SMIM23: variants seen among roughly 807,000 people sequenced by gnomAD.
SMIM23 encodes CTB-78H18.1.
SMIM23 carries 10 observed loss-of-function variants against 12.8 expected under a neutral mutation model. The ratio of observed to expected loss-of-function variants is 0.78; its 90% CI spans 0.48 to 1.32. The LOEUF (loss-of-function observed/expected upper bound fraction) is 1.32, where lower values mean the gene tolerates loss of function less well. Ranked by LOEUF, SMIM23 falls within the 40% of genes most tolerant of loss-of-function variation. The probability of loss-of-function intolerance (pLI) is 0.00; values close to 1 mark genes in which losing one functional copy is unlikely to be tolerated. For missense variants in SMIM23, 184 were observed against 198.2 expected (o/e 0.93, Z 0.43); for synonymous variants, 78 against 80.1 (o/e 0.97, Z 0.14).
chr5:171,780,779 G>A (rs899076781), upstream of SMIM23, among the ~76,000 whole-genome samples: 3 of 152,032 alleles, frequency 2.0e-5, no homozygotes, highest in African/African-American at 7.2e-5. Flanking sequence ...ACTTGAGTTC[G>A]GTACCTTTCC....
chr5:171,777,066 TTTCC>T, the SMIM23 span, among the ~76,000 whole-genome samples: 1 of 146,626 alleles, frequency 6.8e-6, no homozygotes, highest in African/African-American at 2.6e-5. Flanking sequence ...TTTTTTTTTT[TTTCC>T]TTCTTGGCCT....
At chr5:171,783,484 G>T (rs189877988), upstream of SMIM23, among the ~76,000 whole-genome samples, 83 of 152,282 alleles carry the variant, frequency 5.5e-4, no homozygotes, top group African/African-American at 1.9e-3. Context: ...CAGAACAAAT[G>T]GTCCTGGAGC....
chr5:171,784,216 G>A (rs1581072207), upstream of SMIM23, among the ~76,000 whole-genome samples: 1 of 152,282 alleles, frequency 6.6e-6, no homozygotes, highest in African/African-American at 2.4e-5. Flanking sequence ...TTAAAAAATA[G>A]TGAAAACAGC....
chr5:171,789,963 G>T (rs183639837), intron 1 of SMIM23, among the ~76,000 whole-genome samples: 2 of 152,224 alleles, frequency 1.3e-5, no homozygotes, highest in South Asian at 4.1e-4. Flanking sequence ...CAATGAAGTT[G>T]ATTCCTTTTC....
chr5:171,779,666 C>A (rs1397830992), upstream of SMIM23, among the ~76,000 whole-genome samples: 1 of 152,164 alleles, frequency 6.6e-6, no homozygotes, highest in African/African-American at 2.4e-5. Context: ...TCTGGATAGA[C>A]TTTTCATATA....
the SMIM23 span, among the ~76,000 whole-genome samples, chr5:171,775,842 C>T: frequency 2.0e-5 from 3 of 151,858 alleles, no homozygotes; most frequent in Non-Finnish European, 4.4e-5. Flanking sequence ...TTTTCCCTTA[C>T]GACAACCCTA....
chr5:171,789,115 G>A (rs982533778), intron 1 of SMIM23, among the ~76,000 whole-genome samples: 3 of 152,238 alleles, frequency 2.0e-5, no homozygotes, highest in Non-Finnish European at 2.9e-5. Context: ...GATTACAGGC[G>A]TGCGCCACCG....
chr5:171,787,168 C>A (rs1474752389), intron 1 of SMIM23, among the ~76,000 whole-genome samples: 1 of 151,750 alleles, frequency 6.6e-6, no homozygotes, highest in Non-Finnish European at 1.5e-5. Context: ...TACAGGCGCC[C>A]GCCACCACAC....
upstream of SMIM23, among the ~76,000 whole-genome samples, chr5:171,779,700 T>C (rs1755694117): frequency 6.6e-6 from 1 of 152,144 alleles, no homozygotes; most frequent in Admixed American, 6.5e-5. Flanking sequence ...CTTACATTAC[T>C]GGGAGAATTA....
chr5:171,777,364 G>T, the SMIM23 span, among the ~76,000 whole-genome samples: 3 of 152,214 alleles, frequency 2.0e-5, no homozygotes, highest in East Asian at 5.8e-4. Flanking sequence ...GCAGCCGAAC[G>T]CCTCATAAAT....
At chr5:171,776,258 C>T in the SMIM23 span, among the ~76,000 whole-genome samples, 9 of 12,352 alleles carry the variant, frequency 7.3e-4, no homozygotes, top group Admixed American at 3.0e-3. Flanking sequence ...TCACAGTGAG[C>T]GGGGGAGGGG....
upstream of SMIM23, among the ~76,000 whole-genome samples, chr5:171,781,756 G>A (rs552612594): frequency 1.3e-5 from 2 of 152,230 alleles, no homozygotes; most frequent in South Asian, 4.1e-4. Flanking sequence ...CATGGAGTTG[G>A]AAGTGAGAGG....
chr5:171,779,908 T>C (rs1290611948), upstream of SMIM23, among the ~76,000 whole-genome samples: 1 of 152,034 alleles, frequency 6.6e-6, no homozygotes, highest in African/African-American at 2.4e-5. Context: ...GGTTCCAGTT[T>C]GAGCCAGGCA....
chr5:171,790,195 A>G, intron 1 of SMIM23, 35 bp from the exon 2 acceptor site: 1 of 1,533,552 alleles, frequency 6.5e-7, no homozygotes, highest in Non-Finnish European at 8.7e-7. Context: ...ATTCATCCTC[A>G]TGTTCTTCCT....
intron 1 of SMIM23, among the ~76,000 whole-genome samples, chr5:171,787,043 C>T (rs1269625790): frequency 2.6e-5 from 3 of 113,950 alleles, no homozygotes; most frequent in African/African-American, 6.8e-5. Context: ...TTTTCTGAGA[C>T]GGAGCCTCGC....
chr5:171,787,143 C>T (rs1755834422), intron 1 of SMIM23, among the ~76,000 whole-genome samples: 1 of 151,294 alleles, frequency 6.6e-6, no homozygotes, highest in Non-Finnish European at 1.5e-5. Context: ...CCTCAGCCTC[C>T]CGAGCAGCTG....
chr5:171,774,453 C>T, the SMIM23 span: 25 of 456,196 alleles, frequency 5.5e-5, no homozygotes, highest in East Asian at 6.9e-4. Context: ...AGCTCACCGT[C>T]GGACCTCTCC....
the SMIM23 span, chr5:171,774,498 G>T: frequency 2.2e-6 from 1 of 456,094 alleles, no homozygotes; most frequent in Non-Finnish European, 4.4e-6. Flanking sequence ...TCGGATGGCC[G>T]AGGGGATCCT....
At chr5:171,774,860 CTG>C in the SMIM23 span, 1 of 336,860 alleles carries the variant, frequency 3.0e-6, no homozygotes. Flanking sequence ...CAGGCCCACT[CTG>C]TTTTTATTAA....
Sources: allele counts gnomAD v4.1 joint callset (sites outside exome capture counted in the v4.1 genomes callset), GRCh38; gene constraint gnomAD v4.1.1; transcripts MANE v1.5; gene names NCBI Gene and HGNC (gene_info 2026-07-23, HGNC 2026-07-21).